Variants in CEP295 observed in about 807,000 individuals in gnomAD.
The protein encoded by CEP295 is centrosomal protein of 295 kDa.
CEP295 carries 190 observed loss-of-function variants against 291.6 expected under a neutral mutation model. The ratio of observed to expected loss-of-function variants is 0.65; its 90% CI spans 0.58 to 0.73. CEP295 has a LOEUF of 0.73. Ranked by LOEUF, CEP295 falls within the 30% of genes least tolerant of loss-of-function variation. CEP295 has a pLI of 0.00. For synonymous variants in CEP295, 993 were observed against 1,038.8 expected (o/e 0.96, Z 0.85); for missense variants, 2,863 against 2,949.4 (o/e 0.97, Z 0.68).
intron 1 of CEP295, among the ~76,000 whole-genome samples, chr11:93,665,879 G>A (rs1950187816): frequency 1.3e-5 from 2 of 152,346 alleles, no homozygotes; most frequent in South Asian, 4.1e-4. Flanking sequence ...CAAGTTATAT[G>A]CAGTAGACTG....
In CEP295 at chr11:93,697,103, G is replaced by T; in HGVS notation, c.2191G>T (p.Glu731Ter). The T allele has an allele frequency of 1.9e-6, 3 of 1,551,668 alleles. No individual in the cohort carries two copies. Among genetic ancestry groups the T allele is most frequent in the Non-Finnish European group, 2.6e-6 (3 of 1,146,966 alleles). The change falls in exon 15 of 30, where the codon GAG (glutamate) becomes TAG (stop). Residue 731 changes from glutamate to a stop codon, truncating the protein, a stop_gained. Coordinates refer to ENST00000325212, the MANE Select transcript of CEP295 (RefSeq NM_033395.2). LOFTEE classifies it high-confidence loss of function. ...RDYKLVPKDS[E>*]TLSRALSHDR... ...CTATAAATTGGTCCCCAAAGATTCT[G>T]AGACACTTTCAAGGGCTTTGTCACA...
Position 93,666,704 on chromosome 11 carries a change from A to G in CEP295, c.-4A>G. 1 of 1,476,134 alleles carries G rather than the reference A, an allele frequency of 6.8e-7. No individual in the cohort carries two copies. Among genetic ancestry groups the G allele is most frequent in the South Asian group, 1.2e-5 (1 of 80,904 alleles). 91.4% of individuals were successfully genotyped at this position (1,476,134 alleles called of 1,614,324 possible). ...CAGAACTGTCATACATAAAGTACAC[A>G]GAAATGAAGAGAAAAGTCGTGAATA... On this transcript the variant is annotated 5_prime_UTR_variant, in exon 2 of 30. Coordinates refer to ENST00000325212, the MANE Select transcript of CEP295 (RefSeq NM_033395.2).
At chr11:93,683,797 AAT>A in intron 8 of CEP295, 55 bp downstream of exon 8, 1 of 1,489,366 alleles carries the variant, frequency 6.7e-7, no homozygotes, top group South Asian at 1.3e-5. Context: ...TTGGTGGGAA[AAT>A]ATGTTTGTAA....
Position 93,727,729 on chromosome 11 carries a change from T to C in CEP295, c.7161+92T>C, listed in dbSNP as rs149032303. 1.9e-4 allele frequency: 193 copies of C among 1,035,356 alleles called. 1 individual carries two copies. In the African/African-American group the frequency reaches 2.8e-3, roughly 15 times the overall value. The allele number at this position is 1,035,356 out of a possible 1,614,324, so 64.1% of individuals were successfully genotyped here. On this transcript the variant is annotated intron_variant, in intron 24 of 29. Coordinates refer to ENST00000325212, the MANE Select transcript of CEP295 (RefSeq NM_033395.2). ...AAAATTAGAGATGAAGTTCCCACTA[T>C]GCTACCCAGGCTGAACTCAAACTCC...
intron 18 of CEP295, among the ~76,000 whole-genome samples, chr11:93,716,765 C>T (rs559273211): frequency 1.3e-5 from 2 of 152,290 alleles, no homozygotes; most frequent in South Asian, 2.1e-4. Flanking sequence ...TGCACATGAC[C>T]ATCGCTGTGC....
intron 21 of CEP295, 87 bp from the exon 22 acceptor site, chr11:93,724,167 T>C: frequency 8.0e-6 from 10 of 1,243,860 alleles, no homozygotes; most frequent in Non-Finnish European, 1.1e-5. Flanking sequence ...AATATGTTCT[T>C]AATACTCCTT....
chr11:93,710,953 A>G (rs956883713), intron 18 of CEP295, among the ~76,000 whole-genome samples: 1 of 152,050 alleles, frequency 6.6e-6, no homozygotes, highest in African/African-American at 2.4e-5. Flanking sequence ...ATCTGTTGTA[A>G]TGTCTCCTTT....
chr11:93,666,970 A>T (rs1950230096), intron 2 of CEP295, among the ~76,000 whole-genome samples, 155 bp downstream of exon 2: 1 of 152,240 alleles, frequency 6.6e-6, no homozygotes, highest in African/African-American at 2.4e-5. Context: ...GGAACACTTG[A>T]AAAATAGGCT....
At position 93,729,739 on chromosome 11, in the gene CEP295, G is replaced by C; in HGVS notation, c.7525G>C (p.Glu2509Gln). The change falls in exon 27 of 30, where the codon GAA becomes CAA. Residue 2509 changes from glutamate (E) to glutamine (Q), a missense_variant. Physicochemically the swap from Glu to Gln is conservative, Grantham distance 29. Coordinates refer to ENST00000325212, the MANE Select transcript of CEP295 (RefSeq NM_033395.2). ...KEIRNKIHVS[E>Q]NSQIKTVKEK... ...AATAAGGAATAAAATTCATGTCTCT[G>C]AAAATTCTCAAATCAAAACAGTTAA... 1 of 1,549,610 alleles carries C rather than the reference G, an allele frequency of 6.5e-7. No homozygotes were observed. Among genetic ancestry groups the C allele is most frequent in the South Asian group, 1.2e-5 (1 of 83,812 alleles).
intron 9 of CEP295, among the ~76,000 whole-genome samples, chr11:93,684,918 G>C (rs548421588): frequency 2.0e-5 from 3 of 152,284 alleles, no homozygotes; most frequent in African/African-American, 7.2e-5. Flanking sequence ...TAGGTACTTC[G>C]TGTGTAATGA....
chr11:93,671,749 G>T (rs1349603324), intron 5 of CEP295, among the ~76,000 whole-genome samples: 2 of 152,050 alleles, frequency 1.3e-5, no homozygotes, highest in Non-Finnish European at 2.9e-5. Flanking sequence ...GCTAGGTTGT[G>T]GGGTATTTGG....
chr11:93,721,396 T>C lies in CEP295; in HGVS notation c.5834T>C (p.Val1945Ala). ...GAACATGCATATTTGGGTCCAACTGTGAAGCCAGATGATAAGGTTAGTAAT... is the reference window on the plus strand; with the variant it reads ...GAACATGCATATTTGGGTCCAACTGCGAAGCCAGATGATAAGGTTAGTAAT... ...EEEHAYLGPT[V>A]KPDDKAKTLS... is the part of the protein sequence containing the mutation. Residue 1945 changes from valine to alanine, a missense_variant, in exon 19 of 30, where the codon GTG (valine) becomes GCG (alanine). Physicochemically the swap from Val to Ala is moderately conservative, Grantham distance 64. This residue lies in a region of CEP295 where 2,295 missense variants were observed against 2,335.7 expected (regional missense o/e 0.98). Coordinates refer to ENST00000325212, the MANE Select transcript of CEP295 (RefSeq NM_033395.2). 6.3e-7 allele frequency: 1 copy of C among 1,586,890 alleles called. No homozygotes were observed.
intron 7 of CEP295, among the ~76,000 whole-genome samples, chr11:93,681,861 T>TA (rs373178380): frequency 1.4e-4 from 1 of 7,080 alleles, no homozygotes; most frequent in Non-Finnish European, 1.6e-3. Flanking sequence ...TTTGTTTTTG[T>TA]TTTTTTTTTT....
intron 21 of CEP295, chr11:93,723,945 A>AC (rs1953949248): frequency 5.9e-6 from 1 of 168,214 alleles, no homozygotes; most frequent in Middle Eastern, 3.0e-3. Flanking sequence ...CAACACTGAG[A>AC]CCCCATCTCT....
chr11:93,664,139 AT>A (rs1188698026), intron 1 of CEP295, among the ~76,000 whole-genome samples: 3 of 152,188 alleles, frequency 2.0e-5, no homozygotes, highest in Non-Finnish European at 4.4e-5. Context: ...ATTAGTCTTA[AT>A]TATTTAAATA....
At chr11:93,721,791 A>C (rs1293430270) in intron 19 of CEP295, 163 bp from the exon 20 acceptor site, 1 of 724,890 alleles carries the variant, frequency 1.4e-6, no homozygotes, top group Admixed American at 1.9e-5. Flanking sequence ...AAGCCTAATC[A>C]TTTCTGGGCA....
chr11:93,689,963 T>C (rs1234263002), intron 10 of CEP295, among the ~76,000 whole-genome samples: 1 of 152,156 alleles, frequency 6.6e-6, no homozygotes, highest in East Asian at 1.9e-4. Flanking sequence ...AGAGGGCTTG[T>C]AAGACCATCT....
At position 93,728,678 on chromosome 11, in the gene CEP295, C is replaced by A. The variant is rs1488194823; in HGVS notation, c.7162-3C>A. 2 of 1,526,990 alleles carry A rather than the reference C, an allele frequency of 1.3e-6. No homozygotes were observed. Among genetic ancestry groups the A allele is most frequent in the African/African-American group, 2.8e-5 (2 of 71,618 alleles). 94.6% of individuals were successfully genotyped at this position (1,526,990 alleles called of 1,614,324 possible). On this transcript the variant is annotated splice_polypyrimidine_tract_variant and splice_region_variant and intron_variant, in intron 24 of 29. Coordinates refer to ENST00000325212, the MANE Select transcript of CEP295 (RefSeq NM_033395.2). ...TGGTTTTCCTTTTAATTGTGGTTCA[C>A]AGGAAACAGAAACTGGCCATGGTAT...
Position 93,727,099 on chromosome 11 carries a change from A to G in CEP295, c.6623A>G (p.Gln2208Arg). Residue 2208 changes from glutamine (Q) to arginine (R), a missense_variant, in exon 24 of 30, where the codon CAG (glutamine) becomes CGG (arginine). By Grantham distance (43) the Gln-to-Arg change is conservative. Coordinates refer to ENST00000325212, the MANE Select transcript of CEP295 (RefSeq NM_033395.2). ...GATTCTTCCCAAGGCATGAAAAATCAGAACTATCCCTCTGAAGAACATACT... is the reference window on the plus strand; with the variant it reads ...GATTCTTCCCAAGGCATGAAAAATCGGAACTATCCCTCTGAAGAACATACT... ...ARDSSQGMKNQNYPSEEHTEI... is the reference protein window; with the variant it reads ...ARDSSQGMKNRNYPSEEHTEI... The G allele has an allele frequency of 6.4e-7, 1 of 1,551,726 alleles. No individual in the cohort carries two copies. Among genetic ancestry groups the G allele is most frequent in the Non-Finnish European group, 8.7e-7 (1 of 1,146,934 alleles).
Sources: allele counts gnomAD v4.1 joint callset (sites outside exome capture counted in the v4.1 genomes callset), GRCh38; gene constraint gnomAD v4.1.1; regional missense constraint gnomAD v4.1.1; transcripts MANE v1.5; gene names NCBI Gene and HGNC (gene_info 2026-07-23, HGNC 2026-07-21).